The following WAPL variants were observed in gnomAD, a reference collection of about 807,000 sequenced individuals.
WAPL encodes WAPL cohesin release factor, also known as wings apart-like protein homolog.
In WAPL, 5 loss-of-function variants were observed where a neutral mutation model predicts 121.0. That is an observed-to-expected ratio of 0.04 (90% CI 0.02 to 0.09). The LOEUF (loss-of-function observed/expected upper bound fraction) is 0.09. Among genes scored for constraint, WAPL ranks in the 10% least tolerant of loss-of-function variants. The pLI, the probability that WAPL is intolerant of heterozygous loss-of-function variation, is 1.00. For missense variants in WAPL, 999 were observed against 1,410.8 expected, an observed-to-expected ratio of 0.71 and a Z score of 4.68; for synonymous variants, 480 against 481.5, an observed-to-expected ratio of 1.00 and a Z score of 0.04.
At chr10:86,473,741 A>T in intron 5 of WAPL, 137 bp downstream of exon 5, 1 of 618,128 alleles carries the variant, frequency 1.6e-6, no homozygotes, top group African/African-American at 1.9e-5. Context: ...AACTGAAACT[A>T]ATAAGTTTCA....
At chr10:86,483,299 A>G (rs1841836799) in intron 4 of WAPL, among the ~76,000 whole-genome samples, 1 of 152,126 alleles carries the variant, frequency 6.6e-6, no homozygotes, top group Non-Finnish European at 1.5e-5. Flanking sequence ...GCATGCCTGT[A>G]ATCCCAGGTA....
At chr10:86,519,055 T>C (rs570689231) in intron 1 of WAPL, among the ~76,000 whole-genome samples, 1 of 152,210 alleles carries the variant, frequency 6.6e-6, no homozygotes, top group South Asian at 2.1e-4. Flanking sequence ...AATACAGACA[T>C]AGAAACATAC....
At chr10:86,507,264 A>T (rs931183701) in intron 2 of WAPL, among the ~76,000 whole-genome samples, 6 of 144,262 alleles carry the variant, frequency 4.2e-5, no homozygotes, top group African/African-American at 1.5e-4. Flanking sequence ...GCTACTCGGG[A>T]GGATGAGGCA....
Position 86,446,153 on chromosome 10 carries a change from A to T in WAPL, c.3322+89T>A. The T allele has an allele frequency of 4.2e-6, 6 of 1,433,034 alleles. No individual in the cohort carries two copies. In the South Asian group the frequency reaches 7.4e-5, roughly 18 times the overall value. 88.8% of individuals were successfully genotyped at this position (1,433,034 alleles called of 1,614,324 possible). On this transcript the variant is annotated intron_variant, in intron 16 of 18. Transcript: ENST00000298767. ...AGGTCCTCAAGCAATAGCCAGATTA[A>T]GACAATCTGCAAATTAAAATAGTTT...
At chr10:86,461,104 A>C in intron 10 of WAPL, 72 bp downstream of exon 10, 1 of 1,107,386 alleles carries the variant, frequency 9.0e-7, no homozygotes, top group Non-Finnish European at 1.3e-6. Context: ...TTATTTTTTG[A>C]AGTACGTCAA....
chr10:86,507,116 C>T (rs1434855001), intron 2 of WAPL, among the ~76,000 whole-genome samples: 1 of 151,028 alleles, frequency 6.6e-6, no homozygotes, highest in African/African-American at 2.4e-5. Flanking sequence ...ACCTGTAATC[C>T]CAGCACTTTG....
intron 12 of WAPL, among the ~76,000 whole-genome samples, chr10:86,457,961 C>A (rs1414724566): frequency 6.6e-6 from 1 of 152,090 alleles, no homozygotes; most frequent in Non-Finnish European, 1.5e-5. Context: ...GATGAGGTTA[C>A]AGATGGAAAC....
chr10:86,480,786 G>GAA (rs1841765118), intron 4 of WAPL, among the ~76,000 whole-genome samples: 1 of 152,038 alleles, frequency 6.6e-6, no homozygotes, highest in Admixed American at 6.5e-5. Context: ...AGTGTGAAGA[G>GAA]AAGTGAGGTA....
At chr10:86,463,309 C>T (rs1243230363) in intron 9 of WAPL, among the ~76,000 whole-genome samples, 3 of 152,142 alleles carry the variant, frequency 2.0e-5, no homozygotes, top group Non-Finnish European at 2.9e-5. Flanking sequence ...GGGGGACCCC[C>T]GAGGCAGGTC....
At chr10:86,497,434 A>T (rs1278007968) in intron 3 of WAPL, 115 bp from the exon 4 acceptor site, 1 of 804,028 alleles carries the variant, frequency 1.2e-6, no homozygotes, top group Non-Finnish European at 2.0e-6. Flanking sequence ...GAATAAAGGA[A>T]ATCACAGCAC....
At chr10:86,460,166 C>T (rs1841236827) in intron 11 of WAPL, among the ~76,000 whole-genome samples, 3 of 152,084 alleles carry the variant, frequency 2.0e-5, no homozygotes, top group Non-Finnish European at 4.4e-5. Context: ...CATATGTAAA[C>T]AAACAAGCCT....
intron 12 of WAPL, among the ~76,000 whole-genome samples, chr10:86,455,697 G>GAAAAAAAAAAAAAAAAAAAAAAAAAA (rs1220963010): frequency 7.6e-6 from 1 of 131,338 alleles, no homozygotes; most frequent in Non-Finnish European, 1.6e-5. Context: ...AAAAAAAAAA[G>GAAAAAAAAAAAAAAAAAAAAAAAAAA]AAAGAAAGAA....
intron 1 of WAPL, among the ~76,000 whole-genome samples, chr10:86,520,767 A>T (rs371151891): frequency 0.1 from 171 of 1,680 alleles, no homozygotes; most frequent in African/African-American, 0.27. Context: ...GCTGTGATTT[A>T]AAAAAAAAAA....
chr10:86,499,322 G>GC (rs1842202557), intron 3 of WAPL, among the ~76,000 whole-genome samples: 1 of 152,054 alleles, frequency 6.6e-6, no homozygotes, highest in African/African-American at 2.4e-5. Context: ...GAGTATCTAG[G>GC]AAGAAACTAT....
Position 86,521,668 on chromosome 10 carries a change from C to T in WAPL, c.-326G>A, listed in dbSNP as rs1417397597. ...TGCCCCCGCTGGGCCGCCGCCGCCT[C>T]CTGCGCCGCCGCTTCCGCCGGTGAA... On this transcript the variant is annotated 5_prime_UTR_variant, in exon 1 of 19. Coordinates refer to ENST00000298767, the MANE Select transcript of WAPL (RefSeq NM_015045.5). 2.2e-6 allele frequency: 1 copy of T among 463,496 alleles called. No homozygotes were observed. The highest frequency in any genetic ancestry group is 4.5e-6 in the Non-Finnish European group (1 of 224,438). 28.7% of individuals were successfully genotyped at this position (463,496 alleles called of 1,614,324 possible).
intron 4 of WAPL, among the ~76,000 whole-genome samples, chr10:86,489,424 G>A (rs10887618): frequency 0.26 from 39,087 of 152,076 alleles, 5,905 homozygotes; most frequent in South Asian, 0.44. Flanking sequence ...AAGTGCTCTT[G>A]TTTTTAGAAA....
At chr10:86,502,728 A>C (rs1320439030) in intron 2 of WAPL, among the ~76,000 whole-genome samples, 2 of 152,226 alleles carry the variant, frequency 1.3e-5, no homozygotes, top group Non-Finnish European at 2.9e-5. Context: ...CAAACCCATC[A>C]TTACACAGAT....
At position 86,499,992 on chromosome 10, in the gene WAPL, A is replaced by G. The variant is rs1312685824; in HGVS notation, c.1251T>C (p.Asn417=). ...GTTTAACATCCTTTTTGGATTTAGT[A>G]TTACTAGGTCGAAATCTAGTAGTAG... is the stretch of plus-strand genomic sequence containing the variant. ...SKTTTRFRPS[N]TKSKKDVKLE... The change falls in exon 3 of 19, where the codon AAT becomes AAC. Residue 417 remains asparagine, a synonymous_variant. Transcript: ENST00000298767. 1 of 1,614,162 alleles carries G rather than the reference A, an allele frequency of 6.2e-7. No individual in the cohort carries two copies. The highest frequency in any genetic ancestry group is 1.7e-5 in the Admixed American group (1 of 60,020).
intron 2 of WAPL, among the ~76,000 whole-genome samples, chr10:86,513,044 G>T (rs1842494843): frequency 6.6e-6 from 1 of 152,040 alleles, no homozygotes; most frequent in Non-Finnish European, 1.5e-5. Context: ...GTTTTGCGGG[G>T]TTTTTTTGTT....
Sources: gnomAD v4.1 joint callset for allele counts (sites outside exome capture counted in the v4.1 genomes callset) on GRCh38, gnomAD v4.1.1 for gene constraint, MANE v1.5 for transcripts, NCBI Gene and HGNC (gene_info 2026-07-23, HGNC 2026-07-21) for gene names.